DLG2: variants seen among roughly 807,000 people sequenced by gnomAD.
DLG2 encodes the protein discs large MAGUK scaffold protein 2, also known as disks large homolog 2.
DLG2 carries 45 observed loss-of-function variants against 132.5 expected under a neutral mutation model. The observed-to-expected ratio is 0.34, with a 90% CI of 0.27 to 0.44. The LOEUF (loss-of-function observed/expected upper bound fraction) is 0.44. Among genes scored for constraint, DLG2 ranks in the 20% least tolerant of loss-of-function variants. DLG2 has a pLI of 1.00. For synonymous variants in DLG2, 424 were observed against 419.6 expected (o/e 1.01, Z -0.13); for missense variants, 1,045 against 1,196.9 (o/e 0.87, Z 1.87).
At chr11:84,574,172 C>G (rs1189581271) in intron 6 of DLG2, among the ~76,000 whole-genome samples, 1 of 152,128 alleles carries the variant, frequency 6.6e-6, no homozygotes, top group African/African-American at 2.4e-5. Flanking sequence ...CTGACAGAGA[C>G]ACAAACTGGG....
intron 18 of DLG2, among the ~76,000 whole-genome samples, chr11:83,662,050 T>C (rs2074411591): frequency 6.6e-6 from 1 of 152,138 alleles, no homozygotes; most frequent in Non-Finnish European, 1.5e-5. Flanking sequence ...AAAGATGGTC[T>C]ACCTTAAATA....
At position 84,418,277 on chromosome 11, in the gene DLG2, C is replaced by T. The variant is rs181261082; in HGVS notation, c.519+116293G>A. Reference sequence around the variant, plus strand: ...AAGATCCAGAATACAACGTTATTTTCTAGTTTAGTTCTATGAACACATAGG... The same window carrying T: ...AAGATCCAGAATACAACGTTATTTTTTAGTTTAGTTCTATGAACACATAGG... On this transcript the variant is annotated intron_variant, in intron 7 of 27. Coordinates refer to ENST00000376104, the MANE Select transcript of DLG2 (RefSeq NM_001142699.3). 8.4e-3 allele frequency among the ~76,000 whole-genome samples: 1,284 copies of T among 152,198 alleles called. 8 individuals are homozygous for T. Among genetic ancestry groups the T allele is most frequent in the Non-Finnish European group, 0.014 (918 of 67,996 alleles).
At chr11:84,386,493 C>G (rs986034644) in intron 7 of DLG2, among the ~76,000 whole-genome samples, 2 of 151,986 alleles carry the variant, frequency 1.3e-5, no homozygotes, top group Admixed American at 6.6e-5. Context: ...TCCACATCCC[C>G]TCTTCTGTCA....
chr11:84,356,936 G>T (rs866519548), intron 7 of DLG2, among the ~76,000 whole-genome samples: 4 of 152,018 alleles, frequency 2.6e-5, no homozygotes, highest in Admixed American at 6.6e-5. Context: ...TTGCCAGAAA[G>T]TTCAAGGGCT....
At chr11:84,059,805 C>T (rs1193952612) in intron 10 of DLG2, among the ~76,000 whole-genome samples, 1 of 152,100 alleles carries the variant, frequency 6.6e-6, no homozygotes. Context: ...TAAGTTACAT[C>T]ATTATTTTAA....
intron 21 of DLG2, among the ~76,000 whole-genome samples, chr11:83,528,123 GTT>G (rs1240678809): frequency 1.3e-5 from 2 of 152,146 alleles, no homozygotes; most frequent in Non-Finnish European, 2.9e-5. Flanking sequence ...ATAGATGGCT[GTT>G]TGAAGTTTAG....
intron 3 of DLG2, among the ~76,000 whole-genome samples, chr11:85,335,326 G>A (rs1473574486): frequency 6.6e-6 from 1 of 152,014 alleles, no homozygotes; most frequent in African/African-American, 2.4e-5. Context: ...TGTGAGACGG[G>A]TCTCTTAAAG....
At chr11:83,604,669 A>G (rs2059055020) in intron 19 of DLG2, among the ~76,000 whole-genome samples, 1 of 152,192 alleles carries the variant, frequency 6.6e-6, no homozygotes, top group Non-Finnish European at 1.5e-5. Context: ...TGATGTGTCA[A>G]TGCAGGTTCA....
intron 18 of DLG2, among the ~76,000 whole-genome samples, chr11:83,676,116 G>A (rs1032871776): frequency 5.3e-5 from 8 of 152,108 alleles, no homozygotes; most frequent in African/African-American, 1.9e-4. Context: ...CTAAGCTTTA[G>A]AATGGGGCTG....
At chr11:85,216,279 A>G (rs1595456670) in intron 4 of DLG2, among the ~76,000 whole-genome samples, 1 of 152,320 alleles carries the variant, frequency 6.6e-6, no homozygotes, top group Admixed American at 6.5e-5. Context: ...ACCCCTCCAG[A>G]CTTTACGTTC....
chr11:85,125,771 A>G (rs1363904071), intron 5 of DLG2, among the ~76,000 whole-genome samples: 3 of 151,728 alleles, frequency 2.0e-5, no homozygotes, highest in Non-Finnish European at 4.4e-5. Context: ...ACGTGTTTTT[A>G]TTAAATTCAA....
intron 19 of DLG2, among the ~76,000 whole-genome samples, chr11:83,605,022 A>AGAGAGG (rs2059134501): frequency 6.6e-6 from 1 of 151,408 alleles, no homozygotes; most frequent in African/African-American, 2.4e-5. Context: ...AGAGAGAGAG[A>AGAGAGG]GAGAGAGAGA....
chr11:84,533,834 T>G (rs2099348574), intron 7 of DLG2, among the ~76,000 whole-genome samples: 1 of 150,128 alleles, frequency 6.7e-6, no homozygotes, highest in Non-Finnish European at 1.5e-5. Context: ...TCTGATTTTT[T>G]CTTTTTAAAC....
intron 21 of DLG2, among the ~76,000 whole-genome samples, chr11:83,524,504 A>T (rs1813273002): frequency 6.6e-6 from 1 of 151,308 alleles, no homozygotes; most frequent in African/African-American, 2.4e-5. Flanking sequence ...GGTCTTTTCC[A>T]TGTCTTACCT....
chr11:84,705,610 G>A (rs921641192), intron 6 of DLG2, among the ~76,000 whole-genome samples: 1 of 151,702 alleles, frequency 6.6e-6, no homozygotes, highest in Admixed American at 6.6e-5. Context: ...AGACATTCAT[G>A]CATCCATTCA....
chr11:84,964,165 A>G (rs1051482901), intron 6 of DLG2, among the ~76,000 whole-genome samples: 1 of 151,964 alleles, frequency 6.6e-6, no homozygotes, highest in Non-Finnish European at 1.5e-5. Flanking sequence ...ATATTTGTTC[A>G]TTTTCCCTTC....
intron 6 of DLG2, chr11:85,021,574 A>G: frequency 1.3e-6 from 2 of 1,584,330 alleles, no homozygotes; most frequent in East Asian, 2.2e-5. Flanking sequence ...TTTCTTGACC[A>G]CAAGAGTGTT....
At chr11:83,865,077 G>A (rs1273092608) in intron 16 of DLG2, among the ~76,000 whole-genome samples, 3 of 152,152 alleles carry the variant, frequency 2.0e-5, no homozygotes, top group Non-Finnish European at 2.9e-5. Context: ...TGTGATGGAT[G>A]AGCCACCAGA....
intron 6 of DLG2, among the ~76,000 whole-genome samples, chr11:85,011,546 C>T (rs1309111017): frequency 1.3e-5 from 2 of 152,150 alleles, no homozygotes; most frequent in African/African-American, 4.8e-5. Flanking sequence ...GATAAAAATA[C>T]TTTCTTTGAC....
Sources: gnomAD v4.1 joint callset for allele counts (sites outside exome capture counted in the v4.1 genomes callset) on GRCh38, gnomAD v4.1.1 for gene constraint, MANE v1.5 for transcripts, NCBI Gene and HGNC (gene_info 2026-07-23, HGNC 2026-07-21) for gene names.